SPATA16: variants seen among roughly 807,000 people sequenced by gnomAD.
SPATA16 encodes spermatogenesis associated 16.
Under a neutral mutation model 63.3 loss-of-function variants are expected in SPATA16, and 36 were observed. The ratio of observed to expected loss-of-function variants is 0.57; its 90% CI spans 0.44 to 0.75. The LOEUF is 0.75. Ranked by LOEUF, SPATA16 falls within the 30% of genes least tolerant of loss-of-function variation. SPATA16 has a pLI of 0.00. For missense variants in SPATA16, 646 were observed against 679.3 expected, an observed-to-expected ratio of 0.95 and a Z score of 0.54; for synonymous variants, 203 against 216.7, an observed-to-expected ratio of 0.94 and a Z score of 0.56.
At chr3:173,020,255 G>A (rs1001057684) in intron 3 of SPATA16, among the ~76,000 whole-genome samples, 2 of 151,576 alleles carry the variant, frequency 1.3e-5, no homozygotes, top group Non-Finnish European at 2.9e-5. Flanking sequence ...TCGCGCCACT[G>A]CACTCCAGCC....
Position 173,093,609 on chromosome 3 carries a change from A to G in SPATA16, c.612+23511T>C, listed in dbSNP as rs932437207. On this transcript the variant is annotated intron_variant, in intron 2 of 10. Transcript: ENST00000351008. The stretch of plus-strand genomic sequence containing the variant: ...ATATGATGATACTATAAGGATTAAA[A>G]TCATATTCATCATGCAAACACCCCA... Among the ~76,000 whole-genome samples the G allele has an allele frequency of 3.3e-5, 5 of 152,306 alleles. No individual in the cohort carries two copies. The South Asian group carries it at 8.3e-4, about 25-fold the overall frequency.
chr3:173,028,047 C>CTTCCTTCCTTCT (rs1735506708), intron 3 of SPATA16, among the ~76,000 whole-genome samples: 3 of 91,742 alleles, frequency 3.3e-5, no homozygotes, highest in South Asian at 4.0e-4. Context: ...TCCTTCCTTC[C>CTTCCTTCCTTCT]TTCCTTCCTT....
chr3:173,055,731 C>T (rs765262624), intron 2 of SPATA16, among the ~76,000 whole-genome samples: 1 of 152,150 alleles, frequency 6.6e-6, no homozygotes, highest in African/African-American at 2.4e-5. Context: ...ATAATACACA[C>T]ACACATACAA....
At position 173,117,239 on chromosome 3, in the gene SPATA16, T is replaced by G; in HGVS notation, c.493A>C (p.Asn165His). 1 of 1,614,158 alleles carries G rather than the reference T, an allele frequency of 6.2e-7. No individual in the cohort carries two copies. Among genetic ancestry groups the G allele is most frequent in the South Asian group, 1.1e-5 (1 of 91,078 alleles). ...AEIVDPLSVH[N>H]FSFLPQIDKW... The stretch of plus-strand genomic sequence containing the variant: ...TCAATCTGAGGCAGAAAGCTGAAAT[T>G]ATGTACACTCAAAGGGTCTACTATT... Residue 165 changes from asparagine to histidine, a missense_variant, in exon 2 of 11, where the codon AAT becomes CAT. By Grantham distance (68) the Asn-to-His change is moderately conservative (BLOSUM62 1). Coordinates refer to ENST00000351008, the MANE Select transcript of SPATA16 (RefSeq NM_031955.6).
At chr3:172,965,824 C>T (rs1733906848) in intron 5 of SPATA16, among the ~76,000 whole-genome samples, 2 of 152,136 alleles carry the variant, frequency 1.3e-5, no homozygotes, top group Non-Finnish European at 2.9e-5. Context: ...GATCCGCCCG[C>T]CTAGGCCTCC....
At chr3:173,119,471 C>T (rs771867098) in intron 1 of SPATA16, among the ~76,000 whole-genome samples, 5 of 152,164 alleles carry the variant, frequency 3.3e-5, no homozygotes, top group Non-Finnish European at 5.9e-5. Flanking sequence ...GGTTTAAGGT[C>T]ATACATGGAC....
At chr3:173,042,333 T>G (rs974352314) in intron 3 of SPATA16, among the ~76,000 whole-genome samples, 3 of 152,142 alleles carry the variant, frequency 2.0e-5, no homozygotes, top group Non-Finnish European at 4.4e-5. Context: ...GTGATTCTCC[T>G]GTCTCAGCCT....
At chr3:172,993,065 C>A (rs1734615478) in intron 4 of SPATA16, among the ~76,000 whole-genome samples, 2 of 151,954 alleles carry the variant, frequency 1.3e-5, no homozygotes, top group Non-Finnish European at 2.9e-5. Context: ...TTCTCTTATC[C>A]CCCAGTGGTT....
chr3:173,069,238 T>A (rs1284908324), intron 2 of SPATA16, among the ~76,000 whole-genome samples: 2 of 151,850 alleles, frequency 1.3e-5, no homozygotes. Flanking sequence ...TAACAAACTT[T>A]TAGCAAGACT....
At chr3:173,137,822 A>AACACACACACAC (rs1185263699) in intron 1 of SPATA16, among the ~76,000 whole-genome samples, 1,659 of 122,260 alleles carry the variant, frequency 0.014, 43 homozygotes, top group East Asian at 0.022. Flanking sequence ...ATGGACTCTC[A>AACACACACACAC]ACACACACAC....
At chr3:173,118,101 T>C (rs1286259531) in intron 1 of SPATA16, among the ~76,000 whole-genome samples, 2 of 152,062 alleles carry the variant, frequency 1.3e-5, no homozygotes, top group East Asian at 3.8e-4. Context: ...AGTAAATCTA[T>C]CTCAATATTA....
chr3:172,920,940 A>G (rs1577089788), intron 8 of SPATA16, among the ~76,000 whole-genome samples: 2 of 152,226 alleles, frequency 1.3e-5, no homozygotes, highest in African/African-American at 4.8e-5. Context: ...TTGCATTTTC[A>G]TATTCCAAGC....
intron 2 of SPATA16, among the ~76,000 whole-genome samples, chr3:173,055,552 C>T (rs1736202765): frequency 6.6e-6 from 1 of 152,086 alleles, no homozygotes; most frequent in African/African-American, 2.4e-5. Flanking sequence ...GATTACATGA[C>T]ACAATTATAG....
intron 10 of SPATA16, among the ~76,000 whole-genome samples, chr3:172,896,907 A>AT (rs1434950921): frequency 6.7e-6 from 1 of 148,620 alleles, no homozygotes; most frequent in Non-Finnish European, 1.5e-5. Flanking sequence ...ATCCTTTTTT[A>AT]TTTTTTTAAC....
chr3:172,965,641 T>A lies in SPATA16; in HGVS notation c.934-8817A>T, dbSNP rs554755183. The stretch of plus-strand genomic sequence containing the variant: ...TTATATTTTTCTTTATTATTTATTA[T>A]TTTTTTTTTGAGATGGAGTCTCGCT... On this transcript the variant is annotated intron_variant, in intron 5 of 10. Coordinates refer to ENST00000351008, the MANE Select transcript of SPATA16 (RefSeq NM_031955.6). Among the ~76,000 whole-genome samples, 376 of 141,838 alleles carry A rather than the reference T, an allele frequency of 2.7e-3. 3 individuals carry two copies. Among genetic ancestry groups the A allele is most frequent in the African/African-American group, 8.9e-3 (360 of 40,432 alleles). 93.1% of individuals were successfully genotyped at this position (141,838 alleles called of 152,430 possible).
chr3:173,000,083 A>G (rs1211308191), intron 4 of SPATA16, among the ~76,000 whole-genome samples: 2 of 152,180 alleles, frequency 1.3e-5, no homozygotes, highest in East Asian at 3.9e-4. Context: ...CCTTTTGGGA[A>G]ATGATTAAGT....
At chr3:173,091,248 A>G (rs1737213718) in intron 2 of SPATA16, among the ~76,000 whole-genome samples, 1 of 152,196 alleles carries the variant, frequency 6.6e-6, no homozygotes, top group Admixed American at 6.5e-5. Flanking sequence ...TTAGTAGACT[A>G]ATGTCAGTAA....
intron 6 of SPATA16, among the ~76,000 whole-genome samples, chr3:172,931,247 G>C (rs1484787861): frequency 6.6e-6 from 1 of 152,056 alleles, no homozygotes; most frequent in Non-Finnish European, 1.5e-5. Flanking sequence ...TTAATTTTTG[G>C]TTTTCATTTT....
At chr3:173,082,170 C>T (rs563979713) in intron 2 of SPATA16, among the ~76,000 whole-genome samples, 1 of 152,194 alleles carries the variant, frequency 6.6e-6, no homozygotes, top group Admixed American at 6.5e-5. Context: ...ATTTGCAGGG[C>T]CTGGGGTAAG....
Sources: allele counts gnomAD v4.1 joint callset (sites outside exome capture counted in the v4.1 genomes callset), GRCh38; gene constraint gnomAD v4.1.1; transcripts MANE v1.5; gene names NCBI Gene and HGNC (gene_info 2026-07-23, HGNC 2026-07-21).